C7: variants seen among roughly 807,000 people sequenced by gnomAD.
C7 encodes complement component C7.
In C7, 83 loss-of-function variants were observed where a neutral mutation model predicts 104.8. That is an observed-to-expected ratio of 0.79 (90% CI 0.66 to 0.95). C7 has a LOEUF of 0.95. C7 is among the 40% of genes least tolerant of loss of function. The pLI is 0.00. For missense variants in C7, 1,070 were observed against 1,011.2 expected (o/e 1.06, Z -0.79); for synonymous variants, 415 against 360.6 (o/e 1.15, Z -1.71).
At chr5:40,980,148 G>T (rs1251904217) in intron 17 of C7, 13 of 363,966 alleles carry the variant, frequency 3.6e-5, no homozygotes, top group Non-Finnish European at 5.4e-5. Flanking sequence ...TCCCAAACAG[G>T]GGTGATTCCA....
At chr5:40,969,512 A>G (rs1466764087) in intron 14 of C7, among the ~76,000 whole-genome samples, 3 of 152,184 alleles carry the variant, frequency 2.0e-5, no homozygotes, top group Non-Finnish European at 2.9e-5. Flanking sequence ...GGATGATGCT[A>G]TCTTCCTCTA....
chr5:40,969,190 T>A (rs540228984), intron 14 of C7, among the ~76,000 whole-genome samples: 1 of 152,284 alleles, frequency 6.6e-6, no homozygotes, highest in East Asian at 1.9e-4. Context: ...TTTTAAGCGA[T>A]GTTTTGATAT....
intron 15 of C7, among the ~76,000 whole-genome samples, chr5:40,973,542 G>C (rs1326641018): frequency 1.3e-5 from 2 of 152,214 alleles, no homozygotes; most frequent in African/African-American, 4.8e-5. Flanking sequence ...TATGGGCTGT[G>C]ATGTGAAGTG....
At chr5:40,954,889 A>AAAG in intron 9 of C7, 18 of 284,582 alleles carry the variant, frequency 6.3e-5, no homozygotes, top group Non-Finnish European at 9.4e-5. Flanking sequence ...AAAAAAAAAA[A>AAAG]AAAAAAAAAA....
intron 10 of C7, among the ~76,000 whole-genome samples, chr5:40,957,758 G>GTT (rs200026693): frequency 9.0e-5 from 5 of 55,626 alleles, no homozygotes; most frequent in African/African-American, 2.6e-4. Flanking sequence ...GCCTGGGCTG[G>GTT]TTTTTTTTTG....
At chr5:40,923,884 A>C (rs917606709) in intron 1 of C7, among the ~76,000 whole-genome samples, 2 of 152,104 alleles carry the variant, frequency 1.3e-5, no homozygotes, top group Admixed American at 1.3e-4. Flanking sequence ...CCCTTCCAAC[A>C]GGCCCCCACC....
chr5:40,981,450 C>T lies in C7; in HGVS notation c.2409C>T (p.Ser803=). The T allele has an allele frequency of 5.6e-6, 9 of 1,613,660 alleles. No homozygotes were observed. The highest frequency in any genetic ancestry group is 7.6e-6 in the Non-Finnish European group (9 of 1,179,734). Residue 803 remains serine, a synonymous_variant, in exon 18 of 18, where the codon AGC becomes AGT. Coordinates refer to ENST00000313164, the MANE Select transcript of C7 (RefSeq NM_000587.4). ...CGGAGTGCGAGGAAGAAGGGTTTAG[C>T]ATTTGTGTGGAAGTGAACGGCAAGG... is the stretch of plus-strand genomic sequence containing the variant. ...EASECEEEGF[S]ICVEVNGKEQ...
At chr5:40,928,041 A>G (rs758627054) in intron 1 of C7, among the ~76,000 whole-genome samples, 1 of 152,232 alleles carries the variant, frequency 6.6e-6, no homozygotes, top group Non-Finnish European at 1.5e-5. Context: ...GGATAAAGAA[A>G]ATGTGGTGTG....
chr5:40,924,858 C>A (rs1288912205), intron 1 of C7, among the ~76,000 whole-genome samples: 2 of 152,236 alleles, frequency 1.3e-5, no homozygotes, highest in South Asian at 2.1e-4. Flanking sequence ...CTGTGCAGGG[C>A]AGCAAGACCC....
At chr5:40,925,646 G>T (rs971400229) in intron 1 of C7, among the ~76,000 whole-genome samples, 2 of 152,110 alleles carry the variant, frequency 1.3e-5, no homozygotes, top group Non-Finnish European at 1.5e-5. Flanking sequence ...AAATATCTGA[G>T]GCTGGGTAAT....
At chr5:40,917,782 C>G (rs1739351221) in intron 1 of C7, among the ~76,000 whole-genome samples, 1 of 152,042 alleles carries the variant, frequency 6.6e-6, no homozygotes, top group South Asian at 2.1e-4. Context: ...TTTATACTGC[C>G]AAGTCACAAA....
At chr5:40,918,945 AACAGAC>A (rs1739382100) in intron 1 of C7, among the ~76,000 whole-genome samples, 1 of 91,568 alleles carries the variant, frequency 1.1e-5, no homozygotes. Context: ...TAATGAATCT[AACAGAC>A]ACACACACAC....
intron 1 of C7, among the ~76,000 whole-genome samples, chr5:40,921,739 G>A (rs988157772): frequency 6.6e-5 from 10 of 152,060 alleles, no homozygotes; most frequent in Admixed American, 6.6e-5. Context: ...GACAAAAGTG[G>A]TAAGAACATA....
chr5:40,972,365 A>G, intron 14 of C7, 38 bp from the exon 15 acceptor site: 1 of 1,567,038 alleles, frequency 6.4e-7, no homozygotes, highest in Middle Eastern at 1.7e-4. Flanking sequence ...GGTTTAGGAG[A>G]GCAACGACCC....
intron 16 of C7, among the ~76,000 whole-genome samples, chr5:40,978,200 T>G (rs937310031): frequency 6.6e-6 from 1 of 151,578 alleles, no homozygotes; most frequent in Non-Finnish European, 1.5e-5. Context: ...ATGATTTTGG[T>G]TATCAAAACC....
Position 40,981,583 on chromosome 5 carries a change from G to A in C7, c.*10G>A. Reference sequence around the variant, plus strand: ...TGCGGAAACCCAGTAGGCTCCTGGAGGCCCTGGTCAGCTTGCTTGGAATCC... The same window carrying A: ...TGCGGAAACCCAGTAGGCTCCTGGAAGCCCTGGTCAGCTTGCTTGGAATCC... On this transcript the variant is annotated 3_prime_UTR_variant, in exon 18 of 18. Transcript: ENST00000313164. 1.3e-6 allele frequency: 2 copies of A among 1,597,160 alleles called. No individual in the cohort carries two copies. The highest frequency in any genetic ancestry group is 1.7e-6 in the Non-Finnish European group (2 of 1,168,274).
At chr5:40,966,539 C>T (rs553000106) in intron 14 of C7, among the ~76,000 whole-genome samples, 5 of 151,976 alleles carry the variant, frequency 3.3e-5, no homozygotes, top group South Asian at 4.2e-4. Flanking sequence ...CCACCATGAC[C>T]GGCTAATTTT....
chr5:40,953,125 T>C (rs1740209833), intron 9 of C7, among the ~76,000 whole-genome samples: 1 of 152,080 alleles, frequency 6.6e-6, no homozygotes, highest in Non-Finnish European at 1.5e-5. Flanking sequence ...ACTGTATATA[T>C]TGAAAACACA....
intron 7 of C7, among the ~76,000 whole-genome samples, chr5:40,947,267 T>C (rs1740069519): frequency 6.6e-6 from 1 of 151,480 alleles, no homozygotes; most frequent in Non-Finnish European, 1.5e-5. Flanking sequence ...GGCAGGATAA[T>C]TTTTGTATTT....
Sources: gnomAD v4.1 joint callset for allele counts (sites outside exome capture counted in the v4.1 genomes callset) on GRCh38, gnomAD v4.1.1 for gene constraint, MANE v1.5 for transcripts, NCBI Gene and HGNC (gene_info 2026-07-23, HGNC 2026-07-21) for gene names.